PARP14: variants seen among roughly 807,000 people sequenced by gnomAD.
PARP14 encodes protein mono-ADP-ribosyltransferase PARP14.
A neutral mutation model predicts 154.2 loss-of-function variants in PARP14; 59 were observed. The ratio of observed to expected loss-of-function variants is 0.38; its 90% confidence interval spans 0.31 to 0.48. The LOEUF (loss-of-function observed/expected upper bound fraction) is 0.48, where lower values mean the gene tolerates loss of function less well. Among genes scored for constraint, PARP14 ranks in the 20% least tolerant of loss-of-function variants. The pLI is 0.98. For missense variants in PARP14, 1,734 were observed against 2,131.6 expected (o/e 0.81, Z 3.67); for synonymous variants, 720 against 780.5 (o/e 0.92, Z 1.29).
chr3:122,689,524 G>A lies in PARP14; in HGVS notation c.355+2411G>A, dbSNP rs914568544. ...TGGTCTCACTATGTTACCCAGGCTG[G>A]TCTTGAACTCCTGGCCCCAAATGAC... On this transcript the variant is annotated intron_variant, in intron 3 of 16. Coordinates refer to ENST00000474629, the MANE Select transcript of PARP14 (RefSeq NM_017554.3). Among the ~76,000 whole-genome samples, 52 of 152,212 alleles carry A rather than the reference G, an allele frequency of 3.4e-4. 1 individual carries two copies. Among genetic ancestry groups the A allele is most frequent in the African/African-American group, 1.2e-3 (51 of 41,520 alleles).
At chr3:122,687,300 T>C (rs889963644) in intron 3 of PARP14, among the ~76,000 whole-genome samples, 187 bp downstream of exon 3, 3 of 152,184 alleles carry the variant, frequency 2.0e-5, no homozygotes, top group African/African-American at 7.2e-5. Context: ...CTTTTAGCGC[T>C]CAGGTCATAA....
chr3:122,718,891 G>A lies in PARP14; in HGVS notation c.4740G>A (p.Leu1580=), dbSNP rs1933075228. 1 of 1,613,754 alleles carries A rather than the reference G, an allele frequency of 6.2e-7. No individual in the cohort carries two copies. Among genetic ancestry groups the A allele is most frequent in the Non-Finnish European group, 8.5e-7 (1 of 1,179,762 alleles). The change falls in exon 14 of 17, where the codon TTG becomes TTA. Residue 1580 remains leucine (L), a synonymous_variant. Coordinates refer to ENST00000474629, the MANE Select transcript of PARP14 (RefSeq NM_017554.3). ...ATCATCGGCACTACACAGTGAACTT[G>A]AACACATACACTGCCACAGACACAA... is the stretch of plus-strand genomic sequence containing the variant. ...KINHRHYTVN[L]NTYTATDTKG... is the part of the protein sequence containing the mutation.
chr3:122,712,645 G>T (rs1429518880), intron 9 of PARP14, among the ~76,000 whole-genome samples: 2 of 151,680 alleles, frequency 1.3e-5, no homozygotes, highest in South Asian at 2.1e-4. Context: ...CTCAACCTCT[G>T]GGGGCTCAGG....
chr3:122,718,609 T>C lies in PARP14; in HGVS notation c.4458T>C (p.Ile1486=). 6.2e-7 allele frequency: 1 copy of C among 1,613,972 alleles called. No homozygotes were observed. The highest frequency in any genetic ancestry group is 1.7e-5 in the Admixed American group (1 of 60,014). The part of the protein sequence containing the change: ...NELQKKLNIN[I]SLDHKRPLIK... ...TGCAGAAGAAGTTAAATATTAACATTTCCCTGGACCATAAGAGACCTTTGA... is the reference window on the plus strand; with the variant it reads ...TGCAGAAGAAGTTAAATATTAACATCTCCCTGGACCATAAGAGACCTTTGA... The change falls in exon 14 of 17, where the codon ATT becomes ATC. Residue 1486 remains isoleucine, a synonymous_variant. Coordinates refer to ENST00000474629, the MANE Select transcript of PARP14 (RefSeq NM_017554.3).
At chr3:122,728,047 G>A in intron 16 of PARP14, 61 bp downstream of exon 16, 1 of 1,481,474 alleles carries the variant, frequency 6.8e-7, no homozygotes, top group Non-Finnish European at 9.2e-7. Flanking sequence ...GCCCGAGTTG[G>A]CTGGGACAGT....
At chr3:122,716,943 T>A (rs1294452595) in intron 12 of PARP14, among the ~76,000 whole-genome samples, 2 of 152,224 alleles carry the variant, frequency 1.3e-5, no homozygotes, top group Non-Finnish European at 2.9e-5. Flanking sequence ...GCCTAGTGAG[T>A]ACCTAGCCAG....
chr3:122,701,575 C>T lies in PARP14; in HGVS notation c.3021C>T (p.Ser1007=), dbSNP rs374528520. 2.5e-6 allele frequency: 4 copies of T among 1,607,890 alleles called. No homozygotes were observed. The African/African-American group carries it at 5.3e-5, about 21-fold the overall frequency. ...GPGKTSWEKG[S]LVSPGGLQML... The stretch of plus-strand genomic sequence containing the variant: ...GGAAAACATCATGGGAAAAAGGAAG[C>T]CTGGTGTCCCCGGGAGGCCTGCAGA... The change falls in exon 6 of 17, where the codon AGC becomes AGT. Residue 1007 remains serine, a synonymous_variant. Transcript: ENST00000474629. This position sits in a 1 kb window ranked among gnomAD's most constrained non-coding sequence, Gnocchi z 4.0.
intron 5 of PARP14, 75 bp from the exon 6 acceptor site, chr3:122,699,315 T>C (rs547608217): frequency 4.8e-6 from 4 of 838,980 alleles, no homozygotes; most frequent in African/African-American, 3.4e-5. Context: ...TTCTCTAAAA[T>C]AGGAAAATTT....
At chr3:122,707,456 C>T (rs973020414) in intron 8 of PARP14, among the ~76,000 whole-genome samples, 54 of 151,430 alleles carry the variant, frequency 3.6e-4, no homozygotes, top group Non-Finnish European at 6.8e-4. Context: ...TAATATCCTT[C>T]GCTTTTATTT....
intron 2 of PARP14, among the ~76,000 whole-genome samples, chr3:122,686,602 G>A (rs1272165605): frequency 6.6e-6 from 1 of 152,108 alleles, no homozygotes; most frequent in Non-Finnish European, 1.5e-5. Flanking sequence ...GGGACTACAG[G>A]CATGCATCAC....
In PARP14 at chr3:122,718,732, G is replaced by A; in HGVS notation, c.4581G>A (p.Arg1527=). 1 of 1,613,304 alleles carries A rather than the reference G, an allele frequency of 6.2e-7. No homozygotes were observed. The highest frequency in any genetic ancestry group is 8.5e-7 in the Non-Finnish European group (1 of 1,179,544). ...GATTGGCCAAAGAACAGGAATCCCGGGCAGATTGTATCAGTGAGTTTATAG... is the reference window on the plus strand; with the variant it reads ...GATTGGCCAAAGAACAGGAATCCCGAGCAGATTGTATCAGTGAGTTTATAG... ...RVRLAKEQES[R]ADCISEFIEW... Residue 1527 remains arginine, a synonymous_variant, in exon 14 of 17, where the codon CGG becomes CGA. Coordinates refer to ENST00000474629, the MANE Select transcript of PARP14 (RefSeq NM_017554.3).
Position 122,728,744 on chromosome 3 carries a change from G to T in PARP14, c.*147G>T. On this transcript the variant is annotated 3_prime_UTR_variant, in exon 17 of 17. Transcript: ENST00000474629. ...TGTCGCTGAAGTCAGTCTTTCTTCA[G>T]CTTCCCTTTCATAATGGAAATGAAC... 2 of 645,228 alleles carry T rather than the reference G, an allele frequency of 3.1e-6. No homozygotes were observed. The highest frequency in any genetic ancestry group is 5.4e-6 in the Non-Finnish European group (2 of 373,606). 40.0% of individuals were successfully genotyped at this position (645,228 alleles called of 1,614,324 possible). A position where few individuals can be genotyped will look rare whatever the true frequency, so the allele number is the denominator to read the frequency against.
intron 14 of PARP14, 62 bp from the exon 15 acceptor site, chr3:122,720,193 T>C (rs1933127577): frequency 1.7e-5 from 25 of 1,506,748 alleles, no homozygotes; most frequent in South Asian, 2.3e-5. Context: ...AGAACACAGA[T>C]ACTAAATGTT....
chr3:122,714,293 C>T lies in PARP14; in HGVS notation c.3864C>T (p.Thr1288=), dbSNP rs777759583. The T allele has an allele frequency of 4.6e-5, 73 of 1,597,120 alleles. 1 individual carries two copies. The highest frequency in any genetic ancestry group is 3.1e-4 in the South Asian group (27 of 87,082). ...AQQRKNDYII[T]GGGFLRCKNI... ...AGCGCAAAAATGATTATATAATCACCGGAGGTGGATTTTTGAGGTGCAAGA... is the reference window on the plus strand; with the variant it reads ...AGCGCAAAAATGATTATATAATCACTGGAGGTGGATTTTTGAGGTGCAAGA... The change falls in exon 12 of 17, where the codon ACC becomes ACT. Residue 1288 remains threonine (T), a synonymous_variant. Transcript: ENST00000474629.
At position 122,728,104 on chromosome 3, in the gene PARP14, G is replaced by A. The variant is rs569407690; in HGVS notation, c.5116+118G>A. On this transcript the variant is annotated intron_variant, in intron 16 of 16. Coordinates refer to ENST00000474629, the MANE Select transcript of PARP14 (RefSeq NM_017554.3). ...ATCATTGGTGGCCATGTTGCAGCCC[G>A]AGTTTCAGGGTAGGACTCACTGTAT... The A allele has an allele frequency of 4.4e-3, 4,320 of 986,590 alleles. 62 individuals carry two copies. Among genetic ancestry groups the A allele is most frequent in the South Asian group, 0.031 (1,837 of 59,594 alleles). 61.1% of individuals were successfully genotyped at this position (986,590 alleles called of 1,614,324 possible).
In PARP14 at chr3:122,681,324, A is replaced by G; in HGVS notation, c.187+254A>G. Among the ~76,000 whole-genome samples, 1 of 152,184 alleles carries G rather than the reference A, an allele frequency of 6.6e-6. No homozygotes were observed. The highest frequency in any genetic ancestry group is 1.9e-4 in the East Asian group (1 of 5,196). ...GAGGTGGCGGCGGAACCGCGCAAGT[A>G]ACTCTTTATCCCTCGATCGTTTTCT... On this transcript the variant is annotated intron_variant, in intron 1 of 16. Transcript: ENST00000474629. The surrounding 1 kb of genome is among the most constrained non-coding windows in gnomAD (Gnocchi z 5.5).
Position 122,701,497 on chromosome 3 carries a change from C to T in PARP14, c.2943C>T (p.Thr981=). The change falls in exon 6 of 17, where the codon ACC becomes ACT. Residue 981 remains threonine (T), a synonymous_variant. Coordinates refer to ENST00000474629, the MANE Select transcript of PARP14 (RefSeq NM_017554.3). The surrounding 1 kb of genome is among the most constrained non-coding windows in gnomAD (Gnocchi z 4.0). ...CTGTGAAAACTGTATTTAAAGCCAC[C>T]CTGCCAGATACAGCTGCCCCGCCAG... ...AEAVKTVFKA[T]LPDTAAPPGL... 1.9e-6 allele frequency: 3 copies of T among 1,613,686 alleles called. No homozygotes were observed. Among genetic ancestry groups the T allele is most frequent in the Non-Finnish European group, 2.5e-6 (3 of 1,179,742 alleles).
chr3:122,707,249 C>T (rs1170486872), intron 8 of PARP14, among the ~76,000 whole-genome samples: 5 of 151,900 alleles, frequency 3.3e-5, no homozygotes, highest in South Asian at 4.2e-4. Flanking sequence ...CCCGTCTCTA[C>T]TAAAAATACA....
In PARP14 at chr3:122,700,895, A is replaced by G; in HGVS notation, c.2341A>G (p.Met781Val). ...CATTGAACTACAGGAGAATGAAGTA[A>G]TGAAGGAGGGAGGCAGCCCCGCTGG... ...CYIELQENEV[M>V]KEGGSPAGQK... Residue 781 changes from methionine (M) to valine (V), a missense_variant, in exon 6 of 17, where the codon ATG becomes GTG. Physicochemically the swap from Met to Val is conservative, Grantham distance 21 (BLOSUM62 1). Coordinates refer to ENST00000474629, the MANE Select transcript of PARP14 (RefSeq NM_017554.3). The G allele has an allele frequency of 6.2e-7, 1 of 1,614,044 alleles. No homozygotes were observed. Among genetic ancestry groups the G allele is most frequent in the South Asian group, 1.1e-5 (1 of 91,080 alleles).
Sources: allele counts gnomAD v4.1 joint callset (sites outside exome capture counted in the v4.1 genomes callset), GRCh38; gene constraint gnomAD v4.1.1; non-coding constraint Gnocchi (gnomAD v3.1); transcripts MANE v1.5; gene names NCBI Gene and HGNC (gene_info 2026-07-23, HGNC 2026-07-21).